Variants in CCDC57 observed in about 807,000 individuals in gnomAD.
CCDC57 encodes the protein coiled-coil domain-containing protein 57.
A neutral mutation model predicts 118.9 loss-of-function variants in CCDC57; 118 were observed. That is an observed-to-expected ratio of 0.99 (90% CI 0.86 to 1.16). The LOEUF (loss-of-function observed/expected upper bound fraction) is 1.16, where lower values mean the gene tolerates loss of function less well. CCDC57 is among the 50% of genes most tolerant of loss of function. The probability of loss-of-function intolerance (pLI) is 0.00; values close to 1 mark genes in which losing one functional copy is unlikely to be tolerated. For missense variants in CCDC57, 1,300 were observed against 1,320.7 expected, an observed-to-expected ratio of 0.98 and a Z score of 0.24; for synonymous variants, 527 against 532.9, an observed-to-expected ratio of 0.99 and a Z score of 0.15.
At chr17:82,134,115 G>A in exon 17 of CCDC57, 1 of 1,420,494 alleles carries the variant, frequency 7.0e-7, no homozygotes, top group Non-Finnish European at 9.2e-7. Context: ...AAGGTGGGCT[G>A]CGATCCAAAG....
At chr17:82,188,696 C>T (rs946416019) in intron 7 of CCDC57, among the ~76,000 whole-genome samples, 2 of 152,180 alleles carry the variant, frequency 1.3e-5, no homozygotes, top group African/African-American at 2.4e-5. Flanking sequence ...CAGTTTGATC[C>T]GATCAACCTG....
At chr17:82,124,355 G>GT (rs1362832089) in intron 19 of CCDC57, among the ~76,000 whole-genome samples, 1 of 151,786 alleles carries the variant, frequency 6.6e-6, no homozygotes, top group African/African-American at 2.4e-5. Context: ...GAGAGAAGCT[G>GT]TATCAGCTGT....
At chr17:82,106,876 C>T (rs1190279465) in intron 19 of CCDC57, among the ~76,000 whole-genome samples, 1 of 152,170 alleles carries the variant, frequency 6.6e-6, no homozygotes, top group Admixed American at 6.5e-5. Context: ...GCCCATGGGG[C>T]CTTCCCAGGT....
chr17:82,146,070 T>C (rs145659253), intron 16 of CCDC57, among the ~76,000 whole-genome samples: 1 of 152,272 alleles, frequency 6.6e-6, no homozygotes, highest in Non-Finnish European at 1.5e-5. Flanking sequence ...GGTGAGGACA[T>C]GCACTGAGGC....
At chr17:82,174,536 G>A (rs1390375228) in intron 11 of CCDC57, among the ~76,000 whole-genome samples, 1 of 152,134 alleles carries the variant, frequency 6.6e-6, no homozygotes, top group African/African-American at 2.4e-5. Flanking sequence ...ACCCCCTTCC[G>A]CAAGGAGTTG....
At chr17:82,135,772 GA>G (rs1339499016) in intron 16 of CCDC57, among the ~76,000 whole-genome samples, 1 of 152,126 alleles carries the variant, frequency 6.6e-6, no homozygotes, top group Non-Finnish European at 1.5e-5. Context: ...CAACAGGATA[GA>G]AAACAGCTGG....
At chr17:82,110,800 G>C (rs956396723) in intron 19 of CCDC57, among the ~76,000 whole-genome samples, 1 of 152,026 alleles carries the variant, frequency 6.6e-6, no homozygotes, top group Non-Finnish European at 1.5e-5. Flanking sequence ...CGAGGCGGGC[G>C]GATCACCTGA....
In CCDC57 at chr17:82,162,030, G is replaced by A. The variant is rs547182964; in HGVS notation, c.2040+1170C>T. On this transcript the variant is annotated intron_variant, in intron 14 of 19. Coordinates refer to ENST00000665763, the Ensembl canonical transcript of CCDC57. The stretch of plus-strand genomic sequence containing the variant: ...AATTTTTTTTTTGAGATGGAGTTTC[G>A]CTCCTGTTGCCCAAGCTAGAGTACA... Among the ~76,000 whole-genome samples, 13 of 151,784 alleles carry A rather than the reference G, an allele frequency of 8.6e-5. No homozygotes were observed. The South Asian group carries it at 2.1e-3, about 24-fold the overall frequency.
chr17:82,194,291 T>A, intron 5 of CCDC57, 152 bp from the exon 5 acceptor site: 14 of 721,374 alleles, frequency 1.9e-5, no homozygotes, highest in Middle Eastern at 3.3e-4. Context: ...CTAACACAAC[T>A]CAAACGAGAC....
intron 16 of CCDC57, among the ~76,000 whole-genome samples, chr17:82,143,272 G>C (rs1294129942): frequency 6.6e-6 from 1 of 152,036 alleles, no homozygotes; most frequent in Admixed American, 6.6e-5. Context: ...CTTAAGAAAT[G>C]CAATTACTAA....
In CCDC57 at chr17:82,151,702, TG is replaced by T. The variant is rs1304838872; in HGVS notation, c.2312del (p.Ala771AspfsTer16). 1.3e-6 allele frequency: 2 copies of T among 1,550,292 alleles called. No homozygotes were observed. Among genetic ancestry groups the T allele is most frequent in the Non-Finnish European group, 1.7e-6 (2 of 1,146,982 alleles). ...GCATAGATAAGGTCTGGGGGGCACG[TG>T]CCACTGACCGGAGGTGCAGGAAAAG... On this transcript the variant is annotated frameshift_variant, in exon 16 of 20. Transcript: ENST00000665763. LOFTEE classifies it high-confidence loss of function.
intron 19 of CCDC57, 166 bp downstream of exon 18, chr17:82,127,526 G>A: frequency 1.0e-6 from 1 of 985,438 alleles, no homozygotes; most frequent in Non-Finnish European, 1.2e-6. Flanking sequence ...GAAACACTCA[G>A]GTGCCAAATG....
intron 7 of CCDC57, among the ~76,000 whole-genome samples, chr17:82,190,672 G>A (rs2047556777): frequency 6.8e-6 from 1 of 147,770 alleles, no homozygotes; most frequent in Admixed American, 6.8e-5. Flanking sequence ...CATCTGCCTG[G>A]GCAACAGAGC....
At chr17:82,119,443 C>T (rs2036372992) in intron 19 of CCDC57, among the ~76,000 whole-genome samples, 1 of 151,832 alleles carries the variant, frequency 6.6e-6, no homozygotes, top group Non-Finnish European at 1.5e-5. Context: ...CCCCCCCACC[C>T]CTGTGCACCT....
intron 15 of CCDC57, chr17:82,154,389 GT>G (rs1466414742): frequency 2.2e-4 from 33 of 152,512 alleles, no homozygotes; most frequent in Admixed American, 6.5e-4. Flanking sequence ...CTGGACCCCT[GT>G]GCACTTCCTC....
Position 82,146,438 on chromosome 17 carries a change from A to T in CCDC57, c.2455+5122T>A, listed in dbSNP as rs2040747687. Among the ~76,000 whole-genome samples the T allele has an allele frequency of 1.3e-5, 2 of 152,064 alleles. 1 individual carries two copies. The highest frequency in any genetic ancestry group is 4.1e-4 in the South Asian group (2 of 4,822). ...AGGCTGGAGTGCAGTGATTATTCAC[A>T]GGCAGGATCATACCCACTGCAGCCC... On this transcript the variant is annotated intron_variant, in intron 16 of 19. Coordinates refer to ENST00000665763, the Ensembl canonical transcript of CCDC57.
At chr17:82,145,860 T>C (rs1207940635) in intron 16 of CCDC57, 2 of 459,430 alleles carry the variant, frequency 4.4e-6, no homozygotes, top group East Asian at 7.7e-5. Context: ...CCTGCTGGAG[T>C]TGGCTCCACA....
chr17:82,127,010 C>A lies in CCDC57; in HGVS notation c.2899+682G>T, dbSNP rs146960942. On this transcript the variant is annotated intron_variant, in intron 19 of 19. Coordinates refer to ENST00000665763, the Ensembl canonical transcript of CCDC57. ...CGAAGCAGCATCTGTTTCCCTCCCCCCTTCTCGCTACATCACAGACCCATG... is the reference window on the plus strand; with the variant it reads ...CGAAGCAGCATCTGTTTCCCTCCCCACTTCTCGCTACATCACAGACCCATG... 358 of 985,422 alleles carry A rather than the reference C, an allele frequency of 3.6e-4. 1 individual carries two copies. The African/African-American group carries it at 4.9e-3, about 13-fold the overall frequency. The allele number at this position is 985,422 out of a possible 1,614,324, so 61.0% of individuals were successfully genotyped here.
chr17:82,160,799 G>T (rs1438405523), intron 14 of CCDC57, among the ~76,000 whole-genome samples: 1 of 147,064 alleles, frequency 6.8e-6, no homozygotes, highest in African/African-American at 2.5e-5. Context: ...CCTTGAACCC[G>T]GGAGGCGGAG....
Sources: allele counts gnomAD v4.1 joint callset (sites outside exome capture counted in the v4.1 genomes callset), GRCh38; gene constraint gnomAD v4.1.1; transcripts MANE v1.5; gene names NCBI Gene and HGNC (gene_info 2026-07-23, HGNC 2026-07-21).